The following RIT2 variants were observed in gnomAD, a reference collection of about 807,000 sequenced individuals.
RIT2 encodes the protein Ras like without CAAX 2.
In RIT2, 24 loss-of-function variants were observed where a neutral mutation model predicts 23.7. The ratio of observed to expected loss-of-function variants is 1.01; its 90% CI spans 0.73 to 1.43. The LOEUF (loss-of-function observed/expected upper bound fraction) is 1.43, where lower values mean the gene tolerates loss of function less well. RIT2 is among the 40% of genes most tolerant of loss of function. The pLI is 0.00. For synonymous variants in RIT2, 107 were observed against 91.1 expected, an observed-to-expected ratio of 1.17 and a Z score of -0.99; for missense variants, 236 against 266.9, an observed-to-expected ratio of 0.88 and a Z score of 0.81.
intron 4 of RIT2, among the ~76,000 whole-genome samples, chr18:42,905,162 T>C (rs947920166): frequency 8.5e-5 from 13 of 152,184 alleles, no homozygotes; most frequent in African/African-American, 3.1e-4. Context: ...GGATTGCTGG[T>C]AATGCAAAGA....
Position 42,743,704 on chromosome 18 carries a change from C to A in RIT2, c.443G>T (p.Gly148Val). The A allele has an allele frequency of 1.2e-6, 2 of 1,611,778 alleles. No individual in the cohort carries two copies. The highest frequency in any genetic ancestry group is 2.2e-5 in the East Asian group (1 of 44,806). The change falls in exon 5 of 5, where the codon GGC becomes GTC. Residue 148 changes from glycine to valine, a missense_variant. By Grantham distance (109) the Gly-to-Val change is moderately radical. Coordinates refer to ENST00000326695, the MANE Select transcript of RIT2 (RefSeq NM_002930.4). ...EQFRQVSTEE[G>V]LSLAQEYNCG... ...ATTATATTCTTGGGCAAGACTCAAG[C>A]CTTCTTCTGTAGAAACCTAAGGAAA... is the stretch of plus-strand genomic sequence containing the variant.
chr18:42,868,846 A>G (rs118178730), intron 4 of RIT2, among the ~76,000 whole-genome samples: 2,488 of 152,290 alleles, frequency 0.016, 40 homozygotes, highest in Middle Eastern at 0.027. Flanking sequence ...AGGAACCTCA[A>G]TGGCCTTTTT....
Position 42,743,516 on chromosome 18 carries a change from T to C in RIT2, c.631A>G (p.Lys211Glu). 1 of 1,613,340 alleles carries C rather than the reference T, an allele frequency of 6.2e-7. No individual in the cohort carries two copies. Among genetic ancestry groups the C allele is most frequent in the Non-Finnish European group, 8.5e-7 (1 of 1,179,476 alleles). The change falls in exon 5 of 5, where the codon AAG (lysine) becomes GAG (glutamate). Residue 211 changes from lysine (K) to glutamate (E), a missense_variant. Lys to Glu is a moderately conservative substitution (Grantham distance 56, BLOSUM62 1). Coordinates refer to ENST00000326695, the MANE Select transcript of RIT2 (RefSeq NM_002930.4). ...LWKKLKGSLK[K>E]KRENMT ...TATCATGTCATATTTTCTCTCTTCT[T>C]CTTCAAAGAACCTTTGAGCTTCTTC... is the stretch of plus-strand genomic sequence containing the variant.
At chr18:43,062,035 AGCCATGGGAT>A (rs1912658768) in intron 1 of RIT2, among the ~76,000 whole-genome samples, 1 of 152,124 alleles carries the variant, frequency 6.6e-6, no homozygotes, top group South Asian at 2.1e-4. Flanking sequence ...GGAGAGAAGA[AGCCATGGGAT>A]GCCACTCCCT....
At chr18:43,105,496 G>A (rs1402169531) in intron 1 of RIT2, among the ~76,000 whole-genome samples, 4 of 123,504 alleles carry the variant, frequency 3.2e-5, no homozygotes, top group Admixed American at 2.6e-4. Flanking sequence ...AAGGGAGGAA[G>A]AAAGGGAGGG....
At chr18:42,892,963 T>C (rs1221457045) in intron 4 of RIT2, among the ~76,000 whole-genome samples, 1 of 152,124 alleles carries the variant, frequency 6.6e-6, no homozygotes, top group Non-Finnish European at 1.5e-5. Flanking sequence ...ATCAAAAAAT[T>C]ATTAGTAAAG....
rs569273494 is a variant in RIT2 at position 43,081,387 on chromosome 18, A to C, written c.103+34030T>G. 1.1e-3 allele frequency among the ~76,000 whole-genome samples: 172 copies of C among 152,298 alleles called. 1 individual carries two copies. The highest frequency in any genetic ancestry group is 3.8e-3 in the African/African-American group (159 of 41,582). On this transcript the variant is annotated intron_variant, in intron 1 of 4. Coordinates refer to ENST00000326695, the MANE Select transcript of RIT2 (RefSeq NM_002930.4). ...TAATTATGGTTAATATTTATTGGCA[A>C]CCATGCATTCTATCAATCAATCCAT... is the stretch of plus-strand genomic sequence containing the variant.
Position 42,904,822 on chromosome 18 carries a change from C to T in RIT2, c.426+18750G>A, listed in dbSNP as rs376594417. ...ATACATAAATAGACAATACACAGAA[C>T]GGGGCGTCAAAAGAACATGAAAAAT... On this transcript the variant is annotated intron_variant, in intron 4 of 4. Transcript: ENST00000326695. Among the ~76,000 whole-genome samples, 397 of 152,008 alleles carry T rather than the reference C, an allele frequency of 2.6e-3. 4 individuals are homozygous for T. Among genetic ancestry groups the T allele is most frequent in the Middle Eastern group, 3.4e-3 (1 of 294 alleles).
At chr18:43,018,845 A>G (rs181957273) in intron 2 of RIT2, among the ~76,000 whole-genome samples, 39 of 152,182 alleles carry the variant, frequency 2.6e-4, no homozygotes, top group Non-Finnish European at 3.8e-4. Flanking sequence ...ATTTACCATC[A>G]TGAAAATACA....
intron 4 of RIT2, among the ~76,000 whole-genome samples, chr18:42,914,774 T>C (rs1027136476): frequency 1.3e-5 from 2 of 152,022 alleles, no homozygotes; most frequent in African/African-American, 4.8e-5. Flanking sequence ...AGTACATGTA[T>C]AACCAGTGAA....
intron 4 of RIT2, among the ~76,000 whole-genome samples, chr18:42,824,198 A>G (rs560795583): frequency 6.6e-6 from 1 of 152,256 alleles, no homozygotes; most frequent in Non-Finnish European, 1.5e-5. Context: ...CCATATTTTT[A>G]ACCTTGAATG....
chr18:43,071,953 T>C (rs1912907792), intron 1 of RIT2, among the ~76,000 whole-genome samples: 1 of 151,462 alleles, frequency 6.6e-6, no homozygotes, highest in Admixed American at 6.6e-5. Flanking sequence ...AGAAAATTCA[T>C]TTATGCCTCT....
chr18:43,108,848 G>A (rs1378936002), intron 1 of RIT2, among the ~76,000 whole-genome samples: 1 of 152,146 alleles, frequency 6.6e-6, no homozygotes, highest in African/African-American at 2.4e-5. Flanking sequence ...AGAACAGAAG[G>A]CCCTGGAATC....
chr18:43,025,038 T>C (rs1482429175), intron 2 of RIT2, among the ~76,000 whole-genome samples: 1 of 151,698 alleles, frequency 6.6e-6, no homozygotes, highest in Non-Finnish European at 1.5e-5. Flanking sequence ...CGAAACCTCA[T>C]CTCCACTAAA....
intron 1 of RIT2, among the ~76,000 whole-genome samples, chr18:43,063,990 T>G (rs1344602623): frequency 6.6e-6 from 1 of 152,290 alleles, no homozygotes; most frequent in East Asian, 1.9e-4. Context: ...ATGAAAAATT[T>G]ACGTCCAGAG....
intron 4 of RIT2, among the ~76,000 whole-genome samples, chr18:42,835,570 A>G (rs74490299): frequency 0.11 from 16,052 of 152,142 alleles, 991 homozygotes; most frequent in Middle Eastern, 0.24. Context: ...ATAGCAGGAT[A>G]TGTACAAATG....
chr18:42,877,064 T>C (rs1205066978), intron 4 of RIT2, among the ~76,000 whole-genome samples: 2 of 151,910 alleles, frequency 1.3e-5, no homozygotes, highest in East Asian at 3.9e-4. Context: ...GCCTCTTCTT[T>C]ACCTTCCACT....
At chr18:43,001,483 C>T (rs974887400) in intron 2 of RIT2, among the ~76,000 whole-genome samples, 7 of 151,974 alleles carry the variant, frequency 4.6e-5, no homozygotes, top group African/African-American at 1.4e-4. Context: ...CCGACAAACA[C>T]GGGCTGTAGT....
At chr18:43,105,488 G>GAGT (rs879445292) in intron 1 of RIT2, among the ~76,000 whole-genome samples, 1 of 137,372 alleles carries the variant, frequency 7.3e-6, no homozygotes, top group Admixed American at 7.5e-5. Flanking sequence ...AAGGGAGGAA[G>GAGT]GGAGGAAGAA....
Sources: allele counts gnomAD v4.1 joint callset (sites outside exome capture counted in the v4.1 genomes callset), GRCh38; gene constraint gnomAD v4.1.1; transcripts MANE v1.5; gene names NCBI Gene and HGNC (gene_info 2026-07-23, HGNC 2026-07-21).